Variants in MME observed in about 807,000 individuals in gnomAD.
The protein encoded by MME is neprilysin.
A neutral mutation model predicts 113.2 loss-of-function variants in MME; 98 were observed. The observed-to-expected ratio is 0.87, with a 90% CI of 0.74 to 1.02. The LOEUF is 1.02. Among genes scored for constraint, MME ranks in the 50% least tolerant of loss-of-function variants. The pLI, the probability that MME is intolerant of heterozygous loss-of-function variation, is 0.00. For synonymous variants in MME, 292 were observed against 300.6 expected (o/e 0.97, Z 0.30); for missense variants, 836 against 896.0 (o/e 0.93, Z 0.86).
At chr3:155,028,906 G>A (rs903181830) in intron 1 of MME, among the ~76,000 whole-genome samples, 15 of 152,216 alleles carry the variant, frequency 9.9e-5, no homozygotes, top group African/African-American at 3.6e-4. Flanking sequence ...ATTTGGGGAA[G>A]TACAGCAAAT....
At chr3:155,167,770 T>C (rs1711509494) in intron 18 of MME, among the ~76,000 whole-genome samples, 1 of 152,164 alleles carries the variant, frequency 6.6e-6, no homozygotes, top group Admixed American at 6.5e-5. Context: ...TCTTTACAGG[T>C]AGGTTCTAAT....
intron 3 of MME, among the ~76,000 whole-genome samples, chr3:155,093,897 T>TCAAGAAC (rs988020639): frequency 6.6e-6 from 1 of 151,236 alleles, no homozygotes; most frequent in Non-Finnish European, 1.5e-5. Context: ...AAAGAAAAAG[T>TCAAGAAC]CAAGAACCAA....
At chr3:155,050,552 G>A (rs904949824) in intron 1 of MME, among the ~76,000 whole-genome samples, 6 of 151,992 alleles carry the variant, frequency 3.9e-5, no homozygotes, top group East Asian at 1.9e-4. Context: ...ATGTCATCAC[G>A]GTTTTGATTT....
intron 18 of MME, among the ~76,000 whole-genome samples, chr3:155,167,507 T>G (rs1723193039): frequency 6.6e-6 from 1 of 151,980 alleles, no homozygotes; most frequent in Admixed American, 6.6e-5. Flanking sequence ...GGCACTTAAA[T>G]GCCACCCTAA....
At chr3:155,107,148 G>A (rs894761552) in intron 3 of MME, among the ~76,000 whole-genome samples, 2 of 152,168 alleles carry the variant, frequency 1.3e-5, no homozygotes, top group Admixed American at 6.5e-5. Flanking sequence ...GAGGTCAGGA[G>A]TTTGAGACCA....
At chr3:155,133,044 A>T (rs1305859565) in intron 8 of MME, among the ~76,000 whole-genome samples, 4 of 88,438 alleles carry the variant, frequency 4.5e-5, no homozygotes, top group African/African-American at 1.2e-4. Flanking sequence ...CCGTCTAAAA[A>T]AAAAAAAAAA....
chr3:155,133,951 AC>A lies in MME; in HGVS notation c.721-4150del, dbSNP rs544875108. ...GCTTTGGGAATACAGTTAATTCAAA[AC>A]ACTGCATGCTTGTACTTTGGAATAG... On this transcript the variant is annotated intron_variant, in intron 8 of 22. Transcript: ENST00000360490. Among the ~76,000 whole-genome samples the A allele has an allele frequency of 1.8e-3, 266 of 151,566 alleles. 1 individual carries two copies. The highest frequency in any genetic ancestry group is 6.2e-3 in the African/African-American group (257 of 41,456).
At chr3:155,037,745 G>T (rs1713172564) in intron 1 of MME, among the ~76,000 whole-genome samples, 1 of 152,202 alleles carries the variant, frequency 6.6e-6, no homozygotes, top group Non-Finnish European at 1.5e-5. Flanking sequence ...GCCAAATGCT[G>T]CTAGAAGGTC....
Position 155,135,591 on chromosome 3 carries a change from T to C in MME, c.721-2511T>C, listed in dbSNP as rs1004308513. Among the ~76,000 whole-genome samples the C allele has an allele frequency of 3.3e-5, 5 of 152,298 alleles. No homozygotes were observed. In the South Asian group the frequency reaches 6.2e-4, roughly 19 times the overall value. On this transcript the variant is annotated intron_variant, in intron 8 of 22. Coordinates refer to ENST00000360490, the MANE Select transcript of MME (RefSeq NM_007289.4). ...TGTGATGCCTCCAGTCTTGTTCTTG[T>C]TGCTTAGGATTACTTTGGCCATTTG...
chr3:155,106,704 G>T (rs1291678279), intron 3 of MME, among the ~76,000 whole-genome samples: 1 of 152,166 alleles, frequency 6.6e-6, no homozygotes, highest in Non-Finnish European at 1.5e-5. Context: ...AGGGTCACTT[G>T]TACTTTTAGA....
intron 1 of MME, among the ~76,000 whole-genome samples, chr3:155,071,681 CACT>C (rs1714561695): frequency 6.6e-6 from 1 of 152,150 alleles, no homozygotes; most frequent in Non-Finnish European, 1.5e-5. Flanking sequence ...CCACCACCAC[CACT>C]ATCAAATGTT....
intron 3 of MME, among the ~76,000 whole-genome samples, chr3:155,108,375 T>C (rs1397131623): frequency 1.3e-5 from 2 of 151,868 alleles, no homozygotes; most frequent in East Asian, 3.9e-4. Context: ...GCGGGTGGAT[T>C]ACCTGAGGTC....
At chr3:155,129,501 T>A (rs1719964888) in intron 8 of MME, among the ~76,000 whole-genome samples, 2 of 152,128 alleles carry the variant, frequency 1.3e-5, no homozygotes, top group Non-Finnish European at 2.9e-5. Flanking sequence ...GATACCCTCA[T>A]AATGGAATTT....
At position 155,142,218 on chromosome 3, in the gene MME, G is replaced by A. The variant is rs768477084; in HGVS notation, c.1095-19G>A. ...AGCCTCATCTTTTCTGTTGCTGGGC[G>A]GTGGTTTTTTTTATACAGAGATCTT... On this transcript the variant is annotated intron_variant, in intron 11 of 22. Coordinates refer to ENST00000360490, the MANE Select transcript of MME (RefSeq NM_007289.4). 18 of 1,612,116 alleles carry A rather than the reference G, an allele frequency of 1.1e-5. No homozygotes were observed. The highest frequency in any genetic ancestry group is 1.6e-4 in the Middle Eastern group (1 of 6,080).
At chr3:155,082,761 G>A (rs1715269185) in intron 1 of MME, among the ~76,000 whole-genome samples, 2 of 152,114 alleles carry the variant, frequency 1.3e-5, no homozygotes, top group African/African-American at 2.4e-5. Context: ...GCTGTGGTTC[G>A]CTTATTAATA....
At chr3:155,040,323 A>G (rs1311321882) in intron 1 of MME, among the ~76,000 whole-genome samples, 1 of 152,134 alleles carries the variant, frequency 6.6e-6, no homozygotes, top group Non-Finnish European at 1.5e-5. Flanking sequence ...AGTTGTCACA[A>G]CCAAACATGT....
At chr3:155,151,830 A>T (rs1721957015) in intron 16 of MME, among the ~76,000 whole-genome samples, 1 of 152,032 alleles carries the variant, frequency 6.6e-6, no homozygotes, top group Non-Finnish European at 1.5e-5. Context: ...GGAAGAGGGG[A>T]TCTCTAGCTC....
intron 8 of MME, among the ~76,000 whole-genome samples, chr3:155,125,256 A>G (rs1376605305): frequency 7.0e-6 from 1 of 142,820 alleles, no homozygotes; most frequent in African/African-American, 2.5e-5. Flanking sequence ...AGGTGAGGCA[A>G]TGCCTCGCCC....
At chr3:155,118,422 G>A (rs929178988) in intron 7 of MME, among the ~76,000 whole-genome samples, 2 of 152,150 alleles carry the variant, frequency 1.3e-5, no homozygotes, top group African/African-American at 2.4e-5. Flanking sequence ...AAATTTCCAC[G>A]TCCTAGAATC....
Sources: gnomAD v4.1 joint callset for allele counts (sites outside exome capture counted in the v4.1 genomes callset) on GRCh38, gnomAD v4.1.1 for gene constraint, MANE v1.5 for transcripts, NCBI Gene and HGNC (gene_info 2026-07-23, HGNC 2026-07-21) for gene names.